NRXN3: variants seen among roughly 807,000 people sequenced by gnomAD.
NRXN3 encodes neurexin 3, also known as neurexin III.
Under a neutral mutation model 137.6 loss-of-function variants are expected in NRXN3, and 32 were observed. The ratio of observed to expected loss-of-function variants is 0.23; its 90% CI spans 0.18 to 0.31. The LOEUF (loss-of-function observed/expected upper bound fraction) is 0.31, where lower values mean the gene tolerates loss of function less well. NRXN3 is among the 10% of genes least tolerant of loss of function. The probability of loss-of-function intolerance (pLI) is 1.00; values close to 1 mark genes in which losing one functional copy is unlikely to be tolerated. For synonymous variants in NRXN3, 798 were observed against 784.5 expected, an observed-to-expected ratio of 1.02 and a Z score of -0.29; for missense variants, 1,574 against 2,062.5, an observed-to-expected ratio of 0.76 and a Z score of 4.59.
intron 15 of NRXN3, among the ~76,000 whole-genome samples, chr14:79,366,597 C>A (rs898599991): frequency 1.2e-4 from 18 of 152,204 alleles, no homozygotes; most frequent in Admixed American, 7.8e-4. Context: ...TCTCCTCTTT[C>A]TCTGTCTTCT....
At chr14:78,585,476 G>C (rs1460953878) in intron 4 of NRXN3, among the ~76,000 whole-genome samples, 2 of 152,194 alleles carry the variant, frequency 1.3e-5, no homozygotes, top group South Asian at 2.1e-4. Context: ...GTTAAAAGTT[G>C]ATCACTCCTG....
intron 1 of NRXN3, among the ~76,000 whole-genome samples, chr14:78,222,722 A>G (rs1402209177): frequency 6.6e-6 from 1 of 152,194 alleles, no homozygotes; most frequent in Non-Finnish European, 1.5e-5. Context: ...AGGCTCTACA[A>G]GAAAGGTGGA....
At chr14:78,996,496 A>G (rs1052592352) in intron 15 of NRXN3, among the ~76,000 whole-genome samples, 1 of 152,224 alleles carries the variant, frequency 6.6e-6, no homozygotes, top group African/African-American at 2.4e-5. Context: ...TTAGATTCAC[A>G]TTAGCCACAG....
At chr14:79,640,366 A>G (rs757857797) in intron 16 of NRXN3, among the ~76,000 whole-genome samples, 1 of 135,716 alleles carries the variant, frequency 7.4e-6, no homozygotes, top group East Asian at 2.0e-4. Context: ...ATACATATCT[A>G]TATTGGGAGA....
At chr14:78,194,963 T>C (rs1378944740) in intron 1 of NRXN3, among the ~76,000 whole-genome samples, 2 of 152,186 alleles carry the variant, frequency 1.3e-5, no homozygotes, top group Non-Finnish European at 2.9e-5. Flanking sequence ...TCTGGAGCAC[T>C]CAGGGGATCC....
In NRXN3 at chr14:79,861,441, G is replaced by A. The variant is rs2099413696; in HGVS notation, c.4193G>A (p.Ser1398Asn). Reference protein sequence around the residue: ...DFRPNKVSETSRTTTTSLSPE... With the variant: ...DFRPNKVSETNRTTTTSLSPE... ...AGACCTAACAAAGTCTCCGAAACTA[G>A]TAGGACTACTACCACATCTTTATCC... Residue 1398 changes from serine to asparagine, a missense_variant, in exon 21 of 21, where the codon AGT (serine) becomes AAT (asparagine). Around this residue, in one of 5 missense-constraint regions of NRXN3, gnomAD observed 320 missense variants for 387.1 expected, o/e 0.83. Transcript: ENST00000335750. The surrounding 1 kb of genome is among the most constrained non-coding windows in gnomAD (Gnocchi z 5.4). 6.5e-7 allele frequency: 1 copy of A among 1,536,590 alleles called. No individual in the cohort carries two copies. The highest frequency in any genetic ancestry group is 2.4e-5 in the East Asian group (1 of 40,910).
Position 79,471,412 on chromosome 14 carries a change from C to G in NRXN3, c.3444+4010C>G, listed in dbSNP as rs368688701. Among the ~76,000 whole-genome samples the G allele has an allele frequency of 3.3e-5, 5 of 152,338 alleles. No individual in the cohort carries two copies. The South Asian group carries it at 6.2e-4, about 19-fold the overall frequency. On this transcript the variant is annotated intron_variant, in intron 16 of 20. Transcript: ENST00000335750. Reference sequence around the variant, plus strand: ...AACGTGCACTACACATTCATCACATCTGCTTTAAGCTCCACAGTATTCCTC... The same window carrying G: ...AACGTGCACTACACATTCATCACATGTGCTTTAAGCTCCACAGTATTCCTC...
intron 15 of NRXN3, among the ~76,000 whole-genome samples, chr14:79,356,936 G>A (rs191665713): frequency 8.3e-4 from 126 of 152,068 alleles, no homozygotes; most frequent in Non-Finnish European, 1.1e-3. Context: ...ACTTTGTGGC[G>A]AGGCTGGTCT....
intron 15 of NRXN3, among the ~76,000 whole-genome samples, chr14:79,145,009 C>T (rs1253108862): frequency 1.3e-5 from 2 of 152,046 alleles, no homozygotes; most frequent in Admixed American, 6.6e-5. Flanking sequence ...AGAGTCAATC[C>T]TTTATCCTTT....
chr14:79,194,670 A>G (rs1791485324), intron 15 of NRXN3, among the ~76,000 whole-genome samples: 3 of 152,168 alleles, frequency 2.0e-5, no homozygotes, highest in Admixed American at 2.0e-4. Context: ...CCTGTGTTGG[A>G]TGTAATTGCT....
At chr14:78,415,853 T>C (rs1164276194) in intron 4 of NRXN3, among the ~76,000 whole-genome samples, 1 of 151,808 alleles carries the variant, frequency 6.6e-6, no homozygotes, top group East Asian at 1.9e-4. Flanking sequence ...GGAGGACAAA[T>C]CCAGAAACAC....
At chr14:78,834,273 G>A in intron 10 of NRXN3, among the ~76,000 whole-genome samples, 1 of 152,152 alleles carries the variant, frequency 6.6e-6, no homozygotes, top group East Asian at 1.9e-4. Flanking sequence ...CGGCAGCTGA[G>A]AGGTTGAATA....
At chr14:79,652,419 C>T (rs781029554) in intron 16 of NRXN3, among the ~76,000 whole-genome samples, 2 of 143,210 alleles carry the variant, frequency 1.4e-5, no homozygotes, top group Non-Finnish European at 2.9e-5. Flanking sequence ...GTATCTGAAG[C>T]TCTGACCGGC....
chr14:79,329,841 G>C (rs1439239589), intron 15 of NRXN3, among the ~76,000 whole-genome samples: 2 of 139,088 alleles, frequency 1.4e-5, no homozygotes, highest in South Asian at 5.1e-4. Context: ...GTGATCAAAA[G>C]AGTTTTTTTT....
At chr14:79,417,964 A>G (rs1173717520) in intron 15 of NRXN3, among the ~76,000 whole-genome samples, 1 of 69,658 alleles carries the variant, frequency 1.4e-5, no homozygotes, top group Non-Finnish European at 3.9e-5. Context: ...GAATATATGG[A>G]AAAAAAAAAA....
At chr14:78,387,076 C>T (rs1255294296) in intron 4 of NRXN3, among the ~76,000 whole-genome samples, 8 of 152,030 alleles carry the variant, frequency 5.3e-5, no homozygotes, top group African/African-American at 1.2e-4. Context: ...CCACCGCACC[C>T]GGCCTATACT....
intron 16 of NRXN3, among the ~76,000 whole-genome samples, chr14:79,501,138 T>A (rs182047637): frequency 1.2e-4 from 18 of 152,260 alleles, no homozygotes; most frequent in Admixed American, 1.1e-3. Flanking sequence ...TCAGGCGAAG[T>A]TTGGGGAGCT....
chr14:78,278,028 A>G (rs1245394448), intron 2 of NRXN3, among the ~76,000 whole-genome samples: 12 of 152,208 alleles, frequency 7.9e-5, no homozygotes, highest in Non-Finnish European at 1.6e-4. Context: ...TCATGCACAC[A>G]CACTGCTGTC....
chr14:78,659,814 G>C lies in NRXN3; in HGVS notation c.1221+8488G>C, dbSNP rs142060260. ...GATAAATTGAATCTTCTGGAAAAGA[G>C]ATGACTTTCTGGATTACAAGGAATT... On this transcript the variant is annotated intron_variant, in intron 6 of 20. Transcript: ENST00000335750. Among the ~76,000 whole-genome samples the C allele has an allele frequency of 2.8e-3, 429 of 152,178 alleles. 1 individual carries two copies. The highest frequency in any genetic ancestry group is 6.0e-3 in the South Asian group (29 of 4,822).
Sources: allele counts gnomAD v4.1 joint callset (sites outside exome capture counted in the v4.1 genomes callset), GRCh38; gene constraint gnomAD v4.1.1; regional missense constraint gnomAD v4.1.1; non-coding constraint Gnocchi (gnomAD v3.1); transcripts MANE v1.5; gene names NCBI Gene and HGNC (gene_info 2026-07-23, HGNC 2026-07-21).